NHEJ1: variants seen among roughly 807,000 people sequenced by gnomAD.
NHEJ1 encodes non-homologous end joining factor 1, also known as non-homologous end-joining factor 1.
Under a neutral mutation model 39.4 loss-of-function variants are expected in NHEJ1, and 22 were observed. That is an observed-to-expected ratio of 0.56 (90% CI 0.40 to 0.80). NHEJ1 has a LOEUF of 0.80. NHEJ1 is among the 30% of genes least tolerant of loss of function. The pLI is 0.00. For missense variants in NHEJ1, 329 were observed against 357.1 expected (o/e 0.92, Z 0.63); for synonymous variants, 154 against 135.6 (o/e 1.14, Z -0.94).
At chr2:219,079,867 C>G (rs988594088) in intron 5 of NHEJ1, among the ~76,000 whole-genome samples, 3 of 152,178 alleles carry the variant, frequency 2.0e-5, no homozygotes, top group South Asian at 4.1e-4. Context: ...CTAGCATCTC[C>G]CTTCATACTA....
chr2:219,141,949 A>AG (rs987547235), intron 5 of NHEJ1, among the ~76,000 whole-genome samples: 8 of 152,170 alleles, frequency 5.3e-5, no homozygotes, highest in Non-Finnish European at 1.0e-4. Context: ...CATCTTCCCC[A>AG]GGCGATATAA....
chr2:219,105,920 C>T (rs1949309119), intron 5 of NHEJ1, among the ~76,000 whole-genome samples: 2 of 152,170 alleles, frequency 1.3e-5, no homozygotes, highest in African/African-American at 2.4e-5. Flanking sequence ...GTTATAAGCT[C>T]CTTGAAGGCA....
intron 5 of NHEJ1, among the ~76,000 whole-genome samples, chr2:219,102,070 C>T (rs1419022239): frequency 1.3e-5 from 2 of 152,104 alleles, no homozygotes; most frequent in South Asian, 2.1e-4. Context: ...ATGGATAAGC[C>T]GTAATTTAGT....
chr2:219,156,829 CATG>C (rs1205577777), intron 3 of NHEJ1, among the ~76,000 whole-genome samples: 2 of 152,210 alleles, frequency 1.3e-5, no homozygotes, highest in Non-Finnish European at 2.9e-5. Context: ...CGAATTGGAT[CATG>C]TTAAATTCCT....
intron 5 of NHEJ1, among the ~76,000 whole-genome samples, chr2:219,140,232 G>A (rs1949677620): frequency 6.6e-6 from 1 of 152,194 alleles, no homozygotes; most frequent in Non-Finnish European, 1.5e-5. Flanking sequence ...TAGGAGATGA[G>A]GTCAGAAAGG....
In NHEJ1 at chr2:219,076,280, T is replaced by C. The variant is rs772347879; in HGVS notation, c.*101A>G. 3 of 1,605,256 alleles carry C rather than the reference T, an allele frequency of 1.9e-6. No individual in the cohort carries two copies. In the African/African-American group the frequency reaches 4.0e-5, roughly 21 times the overall value. ...CGCCCTTACAGGAGGCCTCTGACTG[T>C]ATCACTATTTTAGAAATATTGCTGC... On this transcript the variant is annotated 3_prime_UTR_variant, in exon 8 of 8. Transcript: ENST00000356853.
intron 5 of NHEJ1, among the ~76,000 whole-genome samples, chr2:219,139,949 G>A (rs557561277): frequency 7.9e-5 from 12 of 152,364 alleles, no homozygotes; most frequent in Non-Finnish European, 1.5e-4. Context: ...AAAGTGCTGC[G>A]ATTACAGGCG....
chr2:219,129,198 C>T (rs1270955545), intron 5 of NHEJ1, among the ~76,000 whole-genome samples: 1 of 152,186 alleles, frequency 6.6e-6, no homozygotes, highest in African/African-American at 2.4e-5. Context: ...ATCCAGTTAT[C>T]ATCAAGACTA....
intron 5 of NHEJ1, among the ~76,000 whole-genome samples, chr2:219,083,604 G>A (rs145389297): frequency 6.6e-6 from 1 of 152,216 alleles, no homozygotes; most frequent in East Asian, 1.9e-4. Flanking sequence ...TTTATTTTGA[G>A]AGAGAGAGGA....
At chr2:219,104,412 C>T (rs185187471) in intron 5 of NHEJ1, among the ~76,000 whole-genome samples, 1 of 152,328 alleles carries the variant, frequency 6.6e-6, no homozygotes, top group East Asian at 1.9e-4. Context: ...GATCAGCACA[C>T]ATGAAAACTT....
At chr2:219,114,769 T>A (rs1486703206) in intron 5 of NHEJ1, among the ~76,000 whole-genome samples, 2 of 152,146 alleles carry the variant, frequency 1.3e-5, no homozygotes, top group Non-Finnish European at 2.9e-5. Context: ...GAACTATATC[T>A]GTAATCCAGA....
chr2:219,085,440 A>G (rs1487755327), intron 5 of NHEJ1, among the ~76,000 whole-genome samples: 8 of 152,182 alleles, frequency 5.3e-5, no homozygotes, highest in African/African-American at 1.7e-4. Flanking sequence ...TAAATACACA[A>G]GGCACACTGC....
rs369523341 is a variant in NHEJ1 at position 219,147,623 on chromosome 2, G to A, written c.529+34C>T. 28 of 1,613,652 alleles carry A rather than the reference G, an allele frequency of 1.7e-5. No homozygotes were observed. The East Asian group carries it at 2.5e-4, about 14-fold the overall frequency. ...AAGACCCTTTGACTATTTTTAACACGCCCCACCCAACTCCTCCAAGAATGT... is the reference window on the plus strand; with the variant it reads ...AAGACCCTTTGACTATTTTTAACACACCCCACCCAACTCCTCCAAGAATGT... On this transcript the variant is annotated intron_variant, in intron 4 of 7. Transcript: ENST00000356853.
At chr2:219,145,097 C>T (rs553155420) in intron 5 of NHEJ1, among the ~76,000 whole-genome samples, 1 of 152,152 alleles carries the variant, frequency 6.6e-6, no homozygotes, top group African/African-American at 2.4e-5. Flanking sequence ...CACCTGTAAT[C>T]CCAGCTACTT....
intron 5 of NHEJ1, among the ~76,000 whole-genome samples, chr2:219,084,786 A>G (rs530392075): frequency 6.6e-6 from 1 of 152,258 alleles, no homozygotes; most frequent in African/African-American, 2.4e-5. Flanking sequence ...TTACTCTCCA[A>G]TTCTTCAGGA....
At chr2:219,077,203 G>T in intron 7 of NHEJ1, 43 bp downstream of exon 7, 1 of 1,443,710 alleles carries the variant, frequency 6.9e-7, no homozygotes, top group Non-Finnish European at 9.8e-7. Context: ...GGCTATAGGT[G>T]CCAACTCTCA....
chr2:219,117,415 C>T (rs1056134028), intron 5 of NHEJ1, among the ~76,000 whole-genome samples: 2 of 152,200 alleles, frequency 1.3e-5, no homozygotes, highest in African/African-American at 4.8e-5. Flanking sequence ...TGCCTGGACT[C>T]ACCTGGTCAG....
chr2:219,158,684 G>A (rs749682610), intron 1 of NHEJ1: 1 of 384,016 alleles, frequency 2.6e-6, no homozygotes, highest in South Asian at 2.4e-5. Flanking sequence ...ATAACATAAC[G>A]TGGAAACCTA....
intron 5 of NHEJ1, among the ~76,000 whole-genome samples, chr2:219,078,531 T>C (rs1054896062): frequency 4.6e-5 from 7 of 152,230 alleles, no homozygotes; most frequent in African/African-American, 1.7e-4. Flanking sequence ...TTATTTCCCC[T>C]AAATTTTCCC....
Sources: allele counts gnomAD v4.1 joint callset (sites outside exome capture counted in the v4.1 genomes callset), GRCh38; gene constraint gnomAD v4.1.1; transcripts MANE v1.5; gene names NCBI Gene and HGNC (gene_info 2026-07-23, HGNC 2026-07-21).